The following EYA3 variants were observed in gnomAD, a reference collection of about 807,000 sequenced individuals.
EYA3 encodes the protein protein phosphatase EYA3.
Under a neutral mutation model 80.0 loss-of-function variants are expected in EYA3, and 39 were observed. The ratio of observed to expected loss-of-function variants is 0.49; its 90% confidence interval spans 0.38 to 0.64. EYA3 has a LOEUF of 0.64. Among genes scored for constraint, EYA3 ranks in the 30% least tolerant of loss-of-function variants. The probability of loss-of-function intolerance (pLI) is 0.00; values close to 1 mark genes in which losing one functional copy is unlikely to be tolerated. For synonymous variants in EYA3, 206 were observed against 232.8 expected (o/e 0.88, Z 1.05); for missense variants, 523 against 676.1 (o/e 0.77, Z 2.51).
intron 17 of EYA3, among the ~76,000 whole-genome samples, chr1:27,977,572 C>T (rs1459621889): frequency 1.3e-5 from 2 of 150,750 alleles, no homozygotes; most frequent in Non-Finnish European, 3.0e-5. Flanking sequence ...TGACCTGGGC[C>T]AGGCGTGGTG....
chr1:28,060,101 CT>C (rs1350184814), intron 1 of EYA3, among the ~76,000 whole-genome samples: 3 of 152,120 alleles, frequency 2.0e-5, no homozygotes, highest in Admixed American at 1.3e-4. Flanking sequence ...GACTATAAAA[CT>C]ACAATCTCTA....
At chr1:28,014,553 C>T (rs1291448514) in intron 8 of EYA3, among the ~76,000 whole-genome samples, 1 of 150,872 alleles carries the variant, frequency 6.6e-6, no homozygotes, top group Non-Finnish European at 1.5e-5. Context: ...CATGGCGAAA[C>T]CCAGCCCCTA....
chr1:27,978,871 A>G (rs1210544436), intron 16 of EYA3, among the ~76,000 whole-genome samples: 1 of 152,252 alleles, frequency 6.6e-6, no homozygotes, highest in African/African-American at 2.4e-5. Context: ...CTGAGGCAGG[A>G]GAATCGCTTG....
chr1:27,974,692 C>A, intron 17 of EYA3, 146 bp from the exon 18 acceptor site: 1 of 579,312 alleles, frequency 1.7e-6, no homozygotes, highest in South Asian at 2.2e-5. Context: ...TTATAATGAT[C>A]AAATAATCAT....
chr1:27,998,359 A>C (rs1640597649), intron 12 of EYA3: 5 of 979,032 alleles, frequency 5.1e-6, no homozygotes, highest in Non-Finnish European at 6.1e-6. Context: ...TGTCTAGAAA[A>C]TCATTACAAA....
chr1:27,971,634 C>T lies in EYA3; in HGVS notation c.*2832G>A, dbSNP rs1638735049. On this transcript the variant is annotated 3_prime_UTR_variant, in exon 18 of 18. Transcript: ENST00000373871. ...AAAAAAAAAAAAAAAAAAAAGAGAA[C>T]CCACCATGCCCAGCTAGGGAAGGAC... 6.9e-6 allele frequency: 1 copy of T among 145,294 alleles called. No individual in the cohort carries two copies. The highest frequency in any genetic ancestry group is 2.2e-4 in the South Asian group (1 of 4,602). The allele number at this position is 145,294 out of a possible 1,614,324, so 9.0% of individuals were successfully genotyped here.
intron 14 of EYA3, chr1:27,990,464 TCTC>T (rs901679658): frequency 2.6e-5 from 4 of 152,052 alleles, no homozygotes; most frequent in African/African-American, 7.3e-5. Flanking sequence ...TCCTTGAACA[TCTC>T]CTAATTTGTC....
intron 5 of EYA3, among the ~76,000 whole-genome samples, chr1:28,036,624 T>C (rs1643468528): frequency 6.6e-6 from 1 of 152,228 alleles, no homozygotes; most frequent in African/African-American, 2.4e-5. Context: ...ATACTGCCAC[T>C]AGTTGGTGCC....
rs919659232 is a variant in EYA3 at position 27,971,812 on chromosome 1, A to C, written c.*2654T>G. ...GATTTTTGTGTTGGGGTGGAGAAAA[A>C]GGCAGGGTAATTACAGAGAGCACTG... On this transcript the variant is annotated 3_prime_UTR_variant, in exon 18 of 18. Coordinates refer to ENST00000373871, the MANE Select transcript of EYA3 (RefSeq NM_001990.4). The C allele has an allele frequency of 6.6e-6, 1 of 152,074 alleles. No individual in the cohort carries two copies. The highest frequency in any genetic ancestry group is 2.4e-5 in the African/African-American group (1 of 41,390). 9.4% of individuals were successfully genotyped at this position (152,074 alleles called of 1,614,324 possible). A position where few individuals can be genotyped will look rare whatever the true frequency, so the allele number is the denominator to read the frequency against.
intron 16 of EYA3, among the ~76,000 whole-genome samples, chr1:27,979,436 C>G (rs1360469141): frequency 6.6e-6 from 1 of 152,142 alleles, no homozygotes. Context: ...AACCAAGATA[C>G]TGCATCACTG....
At chr1:28,011,284 T>C (rs965223889) in intron 9 of EYA3, among the ~76,000 whole-genome samples, 198 bp from the exon 10 acceptor site, 24 of 152,226 alleles carry the variant, frequency 1.6e-4, no homozygotes, top group African/African-American at 5.3e-4. Flanking sequence ...AGAAAAGTTA[T>C]AACCAGACTT....
At chr1:28,041,626 G>T (rs757620291) in intron 4 of EYA3, among the ~76,000 whole-genome samples, 4 of 151,924 alleles carry the variant, frequency 2.6e-5, no homozygotes, top group Non-Finnish European at 5.9e-5. Context: ...AAAGGTAGGG[G>T]AAGGTATAGA....
At chr1:27,987,743 G>C (rs1639769971) in intron 16 of EYA3, among the ~76,000 whole-genome samples, 1 of 152,162 alleles carries the variant, frequency 6.6e-6, no homozygotes, top group Non-Finnish European at 1.5e-5. Flanking sequence ...CTGGAGTGCA[G>C]TGGCGCGATC....
intron 17 of EYA3, chr1:27,977,419 G>A (rs1193424809): frequency 1.2e-5 from 19 of 1,545,578 alleles, no homozygotes; most frequent in Non-Finnish European, 1.6e-5. Flanking sequence ...GATAGGGAGG[G>A]AAAGAACTTC....
rs1638960537 is a variant in EYA3, at chr1:27,976,944, C to A, written c.1641+1430G>T. 3 of 831,726 alleles carry A rather than the reference C, an allele frequency of 3.6e-6. No homozygotes were observed. The African/African-American group carries it at 5.5e-5, about 15-fold the overall frequency. 51.5% of individuals were successfully genotyped at this position (831,726 alleles called of 1,614,324 possible). On this transcript the variant is annotated intron_variant, in intron 17 of 17. Transcript: ENST00000373871. ...TGTTGGCCAGGCTAGTCTCGAACTCCTGACCTCAGGTGATTTGCCTGCCTC... is the reference window on the plus strand; with the variant it reads ...TGTTGGCCAGGCTAGTCTCGAACTCATGACCTCAGGTGATTTGCCTGCCTC...
chr1:28,048,310 C>T (rs541044300), intron 3 of EYA3, 73 bp downstream of exon 3: 87 of 1,045,038 alleles, frequency 8.3e-5, no homozygotes, highest in Admixed American at 7.2e-4. Context: ...CATGCCCATA[C>T]GCTAATCAGC....
intron 12 of EYA3, among the ~76,000 whole-genome samples, chr1:27,999,653 A>AAT (rs146682035): frequency 0.024 from 3,726 of 152,266 alleles, 70 homozygotes; most frequent in Middle Eastern, 0.051. Context: ...ATTAAGTTAG[A>AAT]ATATTGGTTT....
At chr1:27,981,095 G>A (rs973132398) in intron 16 of EYA3, among the ~76,000 whole-genome samples, 3 of 152,194 alleles carry the variant, frequency 2.0e-5, no homozygotes, top group Non-Finnish European at 4.4e-5. Flanking sequence ...AAATTATTTT[G>A]AGAATTCTCT....
At chr1:27,987,837 C>T (rs1348724714) in intron 16 of EYA3, among the ~76,000 whole-genome samples, 1 of 152,160 alleles carries the variant, frequency 6.6e-6, no homozygotes, top group Non-Finnish European at 1.5e-5. Flanking sequence ...CAGGCGCCTG[C>T]CATCATACCC....
Sources: gnomAD v4.1 joint callset for allele counts (sites outside exome capture counted in the v4.1 genomes callset) on GRCh38, gnomAD v4.1.1 for gene constraint, MANE v1.5 for transcripts, NCBI Gene and HGNC (gene_info 2026-07-23, HGNC 2026-07-21) for gene names.